The following PRELID2 variants were observed in gnomAD, a reference collection of about 807,000 sequenced individuals.
PRELID2 encodes PRELI domain containing 2, also known as PRELI domain-containing protein 2.
Under a neutral mutation model 28.4 loss-of-function variants are expected in PRELID2, and 25 were observed. That is an observed-to-expected ratio of 0.88 (90% CI 0.64 to 1.23). The LOEUF is 1.23. PRELID2 is among the 50% of genes most tolerant of loss of function. The pLI is 0.00. For synonymous variants in PRELID2, 76 were observed against 71.6 expected (o/e 1.06, Z -0.31); for missense variants, 201 against 214.4 (o/e 0.94, Z 0.39).
the PRELID2 span, among the ~76,000 whole-genome samples, chr5:145,397,465 TA>T: frequency 4.0e-5 from 6 of 151,568 alleles, no homozygotes; most frequent in African/African-American, 1.2e-4. Flanking sequence ...TAGGGGGAAA[TA>T]AAAAAAAACT....
At chr5:145,373,350 A>ATATAATATACGATATATATTACAACATC in the PRELID2 span, among the ~76,000 whole-genome samples, 1 of 94,934 alleles carries the variant, frequency 1.1e-5, no homozygotes, top group Admixed American at 1.5e-4. Flanking sequence ...ATTACAACAT[A>ATATAATATACGATATATATTACAACATC]TATAATATAT....
Position 145,630,259 on chromosome 5 carries a change from T to C in PRELID2, n.70+134672A>G, listed in dbSNP as rs1753914293. Among the ~76,000 whole-genome samples the C allele has an allele frequency of 2.0e-5, 3 of 151,860 alleles. No individual in the cohort carries two copies. In the South Asian group the frequency reaches 6.2e-4, roughly 32 times the overall value. ...GTTTCATGAGCAGTCAGTGGGTAAG[T>C]GGAGGACAATGGAGCAATGAGGTGA... is the stretch of plus-strand genomic sequence containing the variant. On this transcript the variant is annotated intron_variant and non_coding_transcript_variant, in intron 1 of 2. Coordinates refer to the PRELID2 transcript ENST00000510259.
rs371878440 is a variant in PRELID2, at chr5:145,656,229, G to A, written n.70+108702C>T. Among the ~76,000 whole-genome samples the A allele has an allele frequency of 1.1e-3, 167 of 152,174 alleles. 2 individuals carry two copies. In the East Asian group the frequency reaches 0.019, roughly 17 times the overall value. On this transcript the variant is annotated intron_variant and non_coding_transcript_variant, in intron 1 of 2. Coordinates refer to the PRELID2 transcript ENST00000510259. The stretch of plus-strand genomic sequence containing the variant: ...AACATCTCACACCAGTTAGAATGGC[G>A]ATCATTAAAAAGTCAGGAAACAACA...
intron 1 of PRELID2, among the ~76,000 whole-genome samples, chr5:145,511,890 G>A (rs1023730920): frequency 6.6e-6 from 1 of 152,164 alleles, no homozygotes; most frequent in Non-Finnish European, 1.5e-5. Flanking sequence ...TGACGAGAGA[G>A]AGATTATGCT....
At chr5:145,241,013 C>T in the PRELID2 span, among the ~76,000 whole-genome samples, 79 of 151,930 alleles carry the variant, frequency 5.2e-4, no homozygotes, top group African/African-American at 1.8e-3. Flanking sequence ...TGGGCTTCAG[C>T]GTCCTCATCT....
intron 1 of PRELID2, among the ~76,000 whole-genome samples, chr5:145,495,238 A>G (rs1454809998): frequency 1.3e-5 from 2 of 152,092 alleles, no homozygotes; most frequent in East Asian, 3.9e-4. Context: ...ATTATCAGGC[A>G]CTCTGCCCCT....
At position 145,594,723 on chromosome 5, in the gene PRELID2, T is replaced by C. The variant is rs150802532; in HGVS notation, n.71-121408A>G. Among the ~76,000 whole-genome samples the C allele has an allele frequency of 2.6e-3, 399 of 152,210 alleles. 4 individuals are homozygous for C. The highest frequency in any genetic ancestry group is 8.9e-3 in the African/African-American group (371 of 41,532). ...ATATAAGTCCATAAAATATTAAGAG[T>C]GATTGTCCCTAGGTGGTCAGATTGT... On this transcript the variant is annotated intron_variant and non_coding_transcript_variant, in intron 1 of 2. Transcript: ENST00000510259.
At chr5:145,790,992 G>A (rs1036844369) in intron 5 of PRELID2, among the ~76,000 whole-genome samples, 1 of 151,016 alleles carries the variant, frequency 6.6e-6, no homozygotes, top group African/African-American at 2.4e-5. Context: ...ATAGCCAAAA[G>A]GCAGAAGCAA....
intron 1 of PRELID2, among the ~76,000 whole-genome samples, chr5:145,557,082 G>A (rs1009517698): frequency 1.3e-5 from 2 of 152,152 alleles, no homozygotes; most frequent in Non-Finnish European, 2.9e-5. Flanking sequence ...CCCAGTGTCT[G>A]TTTTGTTCAC....
intron 1 of PRELID2, among the ~76,000 whole-genome samples, chr5:145,596,903 T>C (rs1385376635): frequency 6.6e-6 from 1 of 152,202 alleles, no homozygotes; most frequent in African/African-American, 2.4e-5. Flanking sequence ...CTTGTCCTGA[T>C]TTGACCCCCA....
At chr5:145,400,804 A>G in the PRELID2 span, among the ~76,000 whole-genome samples, 1 of 152,094 alleles carries the variant, frequency 6.6e-6, no homozygotes, top group East Asian at 1.9e-4. Context: ...TCACTACCCT[A>G]CCATCAACCA....
At chr5:145,365,685 C>G in the PRELID2 span, among the ~76,000 whole-genome samples, 3 of 151,858 alleles carry the variant, frequency 2.0e-5, no homozygotes, top group African/African-American at 4.8e-5. Flanking sequence ...AGAGACAGAT[C>G]ATGGTCTATA....
At chr5:145,633,542 A>T (rs1753959473) in intron 1 of PRELID2, among the ~76,000 whole-genome samples, 1 of 152,224 alleles carries the variant, frequency 6.6e-6, no homozygotes, top group Admixed American at 6.5e-5. Flanking sequence ...AAGCAGCTCC[A>T]ATTATCTCCA....
At chr5:145,616,421 G>A (rs563462892) in intron 1 of PRELID2, among the ~76,000 whole-genome samples, 9 of 152,232 alleles carry the variant, frequency 5.9e-5, no homozygotes, top group South Asian at 4.1e-4. Context: ...GATATTGGGC[G>A]AAATTCACCC....
At chr5:145,699,081 A>C (rs769768579) in intron 1 of PRELID2, among the ~76,000 whole-genome samples, 5 of 152,122 alleles carry the variant, frequency 3.3e-5, no homozygotes, top group Non-Finnish European at 5.9e-5. Context: ...CAACATAAGA[A>C]TCTTGGGAGA....
At chr5:145,242,078 C>T in the PRELID2 span, among the ~76,000 whole-genome samples, 6 of 151,826 alleles carry the variant, frequency 4.0e-5, no homozygotes, top group Non-Finnish European at 7.4e-5. Context: ...CAATTTGAAG[C>T]ATTGTTCATT....
intron 4 of PRELID2, among the ~76,000 whole-genome samples, chr5:145,803,797 C>T (rs751717126): frequency 2.0e-5 from 3 of 151,434 alleles, no homozygotes; most frequent in African/African-American, 4.8e-5. Flanking sequence ...AAATCCAGCC[C>T]GAGGCAACTC....
the PRELID2 span, among the ~76,000 whole-genome samples, chr5:145,313,126 G>C: frequency 6.6e-6 from 1 of 152,058 alleles, no homozygotes; most frequent in Admixed American, 6.5e-5. Context: ...GATGTTACTA[G>C]TTCATAGAAC....
intron 1 of PRELID2, among the ~76,000 whole-genome samples, chr5:145,673,285 C>T (rs776011095): frequency 6.6e-6 from 1 of 152,118 alleles, no homozygotes; most frequent in South Asian, 2.1e-4. Context: ...GATATCCCAT[C>T]AGCATCAAAT....
Sources: gnomAD v4.1 joint callset for allele counts (sites outside exome capture counted in the v4.1 genomes callset) on GRCh38, gnomAD v4.1.1 for gene constraint, MANE v1.5 for transcripts, NCBI Gene and HGNC (gene_info 2026-07-23, HGNC 2026-07-21) for gene names.